Variants in FHIT observed in about 807,000 individuals in gnomAD.
The protein encoded by FHIT is bis(5'-adenosyl)-triphosphatase.
In FHIT, 19 loss-of-function variants were observed where a neutral mutation model predicts 17.9. The observed-to-expected ratio is 1.06, with a 90% CI of 0.74 to 1.56. The LOEUF is 1.56. Ranked by LOEUF, FHIT falls within the 40% of genes most tolerant of loss-of-function variation. The probability of loss-of-function intolerance (pLI) is 0.00; values close to 1 mark genes in which losing one functional copy is unlikely to be tolerated. For synonymous variants in FHIT, 81 were observed against 69.7 expected, an observed-to-expected ratio of 1.16 and a Z score of -0.81; for missense variants, 248 against 189.2, an observed-to-expected ratio of 1.31 and a Z score of -1.82.
At chr3:60,309,638 G>A (rs950598350) in intron 5 of FHIT, among the ~76,000 whole-genome samples, 7 of 152,060 alleles carry the variant, frequency 4.6e-5, no homozygotes, top group Non-Finnish European at 1.0e-4. Flanking sequence ...TGAGATCCAA[G>A]GGTTTGAGCT....
At chr3:59,828,303 G>A (rs576554652) in intron 8 of FHIT, among the ~76,000 whole-genome samples, 50 of 152,306 alleles carry the variant, frequency 3.3e-4, no homozygotes, top group South Asian at 8.3e-4. Context: ...CAGGATTGAA[G>A]ACATTTTCCC....
At chr3:60,339,142 ATG>A (rs983521258) in intron 5 of FHIT, among the ~76,000 whole-genome samples, 2 of 151,286 alleles carry the variant, frequency 1.3e-5, no homozygotes, top group African/African-American at 4.9e-5. Context: ...ACATATGCAT[ATG>A]TGTGTTTATA....
Position 59,785,043 on chromosome 3 carries a change from CAA to C in FHIT, c.349-32724_349-32723del, listed in dbSNP as rs138776258. On this transcript the variant is annotated intron_variant, in intron 8 of 9. Coordinates refer to ENST00000492590, the MANE Select transcript of FHIT (RefSeq NM_002012.4). ...CAGACAGGTCACATGGCCCGAGCAA[CAA>C]GAGAGAGAGAGGGGAGTTGCCGCAC... Among the ~76,000 whole-genome samples, 595 of 152,034 alleles carry C rather than the reference CAA, an allele frequency of 3.9e-3. 5 individuals carry two copies. Among genetic ancestry groups the C allele is most frequent in the African/African-American group, 0.013 (559 of 41,442 alleles).
intron 5 of FHIT, among the ~76,000 whole-genome samples, chr3:60,074,963 G>C (rs574620973): frequency 1.3e-5 from 2 of 152,016 alleles, no homozygotes; most frequent in Non-Finnish European, 1.5e-5. Flanking sequence ...CAATGAAAAC[G>C]AATGGGTGAA....
intron 8 of FHIT, among the ~76,000 whole-genome samples, chr3:59,790,019 A>G (rs1699481607): frequency 1.3e-5 from 2 of 152,180 alleles, no homozygotes; most frequent in Admixed American, 1.3e-4. Context: ...TTGCAGTTGT[A>G]GTCTCATCTC....
chr3:60,065,418 A>G (rs1009398888), intron 5 of FHIT, among the ~76,000 whole-genome samples: 1 of 152,116 alleles, frequency 6.6e-6, no homozygotes, highest in African/African-American at 2.4e-5. Flanking sequence ...TCACAGAGGC[A>G]TGGTGAGGGT....
At chr3:60,675,929 T>G (rs1553695270) in intron 4 of FHIT, among the ~76,000 whole-genome samples, 1 of 152,210 alleles carries the variant, frequency 6.6e-6, no homozygotes, top group African/African-American at 2.4e-5. Context: ...CTTTTTTAAG[T>G]TTTTATTTAT....
chr3:60,173,103 C>T lies in FHIT; in HGVS notation c.104-158951G>A, dbSNP rs115845901. ...ATTTGCTGAAGACTTACTATGAGCA[C>T]GGCATTGGACCAACTACTTTCTGTC... On this transcript the variant is annotated intron_variant, in intron 5 of 9. Transcript: ENST00000492590. Among the ~76,000 whole-genome samples, 790 of 152,262 alleles carry T rather than the reference C, an allele frequency of 5.2e-3. 8 individuals are homozygous for T. Among genetic ancestry groups the T allele is most frequent in the Middle Eastern group, 0.027 (8 of 294 alleles).
intron 7 of FHIT, among the ~76,000 whole-genome samples, chr3:59,997,873 G>A (rs1406771642): frequency 1.3e-5 from 2 of 152,066 alleles, no homozygotes; most frequent in African/African-American, 4.8e-5. Context: ...AAGCCCTTCT[G>A]CTGTGGCTAT....
intron 5 of FHIT, among the ~76,000 whole-genome samples, chr3:60,075,154 T>C (rs1040367540): frequency 6.6e-6 from 1 of 152,006 alleles, no homozygotes; most frequent in Non-Finnish European, 1.5e-5. Flanking sequence ...ACACAGGAAA[T>C]AAAGGCACAT....
rs576141518 is a variant in FHIT, at chr3:59,796,192, C to T, written c.349-43871G>A. On this transcript the variant is annotated intron_variant, in intron 8 of 9. Coordinates refer to ENST00000492590, the MANE Select transcript of FHIT (RefSeq NM_002012.4). ...TGCGGTATGTCTAGCCTGTGTCCAACACATATGGCGTTAGGTCATTCCTTT... is the reference window on the plus strand; with the variant it reads ...TGCGGTATGTCTAGCCTGTGTCCAATACATATGGCGTTAGGTCATTCCTTT... 2.0e-5 allele frequency among the ~76,000 whole-genome samples: 3 copies of T among 152,266 alleles called. No individual in the cohort carries two copies. In the East Asian group the frequency reaches 5.8e-4, roughly 29 times the overall value.
chr3:61,036,272 G>A (rs1261010740), intron 3 of FHIT, among the ~76,000 whole-genome samples: 1 of 152,138 alleles, frequency 6.6e-6, no homozygotes, highest in Admixed American at 6.5e-5. Context: ...CTATTGTGGG[G>A]ATAGCACCAA....
chr3:60,033,408 C>A (rs1030994483), intron 5 of FHIT, among the ~76,000 whole-genome samples: 1 of 151,764 alleles, frequency 6.6e-6, no homozygotes. Context: ...GCAGGAGAAT[C>A]GCTTGAACCT....
intron 5 of FHIT, among the ~76,000 whole-genome samples, chr3:60,204,503 C>G (rs1351513240): frequency 2.0e-5 from 3 of 150,626 alleles, no homozygotes. Flanking sequence ...GTTGCCCGGA[C>G]TGGTCTTGAA....
intron 5 of FHIT, among the ~76,000 whole-genome samples, chr3:60,501,768 C>A (rs1046598609): frequency 6.6e-6 from 1 of 152,238 alleles, no homozygotes; most frequent in African/African-American, 2.4e-5. Context: ...TTTGGAACCA[C>A]TACTTTCCTC....
At position 60,080,988 on chromosome 3, in the gene FHIT, G is replaced by C. The variant is rs574046503; in HGVS notation, c.104-66836C>G. ...ACCATGTACCTCTAGACATGGGAGT[G>C]CAGGCATCTATCTCTATCAAGGTAC... On this transcript the variant is annotated intron_variant, in intron 5 of 9. Coordinates refer to ENST00000492590, the MANE Select transcript of FHIT (RefSeq NM_002012.4). The C allele has an allele frequency of 3.9e-5, 6 of 152,236 alleles. No individual in the cohort carries two copies. In the East Asian group the frequency reaches 1.2e-3, roughly 29 times the overall value. The allele number at this position is 152,236 out of a possible 1,614,324, so 9.4% of individuals were successfully genotyped here. A position where few individuals can be genotyped will look rare whatever the true frequency, so the allele number is the denominator to read the frequency against.
chr3:59,928,278 T>C (rs1705772883), intron 7 of FHIT, among the ~76,000 whole-genome samples: 1 of 152,208 alleles, frequency 6.6e-6, no homozygotes, highest in African/African-American at 2.4e-5. Context: ...AAAGATAAAT[T>C]ATGGCTGCAA....
At chr3:60,531,620 C>A in intron 5 of FHIT, among the ~76,000 whole-genome samples, 1 of 152,166 alleles carries the variant, frequency 6.6e-6, no homozygotes, top group East Asian at 1.9e-4. Context: ...CTAATAACTG[C>A]AGTTTCCTGA....
At chr3:61,170,423 A>G (rs143489152) in intron 2 of FHIT, among the ~76,000 whole-genome samples, 4 of 152,164 alleles carry the variant, frequency 2.6e-5, no homozygotes, top group African/African-American at 9.7e-5. Flanking sequence ...GGCTTGTTAC[A>G]GAGGTAAACA....
Sources: gnomAD v4.1 joint callset for allele counts (sites outside exome capture counted in the v4.1 genomes callset) on GRCh38, gnomAD v4.1.1 for gene constraint, MANE v1.5 for transcripts, NCBI Gene and HGNC (gene_info 2026-07-23, HGNC 2026-07-21) for gene names.